MMP16: variants seen among roughly 807,000 people sequenced by gnomAD.
MMP16 encodes the protein matrix metalloproteinase-16.
A neutral mutation model predicts 67.8 loss-of-function variants in MMP16; 12 were observed. That is an observed-to-expected ratio of 0.18 (90% CI 0.11 to 0.29). The LOEUF (loss-of-function observed/expected upper bound fraction) is 0.29, where lower values mean the gene tolerates loss of function less well. Ranked by LOEUF, MMP16 falls within the 10% of genes least tolerant of loss-of-function variation. The pLI is 1.00. For synonymous variants in MMP16, 249 were observed against 255.9 expected, an observed-to-expected ratio of 0.97 and a Z score of 0.26; for missense variants, 475 against 765.7, an observed-to-expected ratio of 0.62 and a Z score of 4.48.
chr8:88,320,490 T>C (rs1327074478), intron 1 of MMP16, among the ~76,000 whole-genome samples: 1 of 152,198 alleles, frequency 6.6e-6, no homozygotes, highest in African/African-American at 2.4e-5. Context: ...TCCTGCATTA[T>C]AATATTCTTT....
At chr8:88,247,536 A>G (rs1810133327) in intron 1 of MMP16, among the ~76,000 whole-genome samples, 1 of 152,062 alleles carries the variant, frequency 6.6e-6, no homozygotes, top group Non-Finnish European at 1.5e-5. Flanking sequence ...CTGACAGACT[A>G]GAGGATTCAC....
At chr8:88,215,485 T>C (rs1359349367) in intron 1 of MMP16, among the ~76,000 whole-genome samples, 1 of 152,138 alleles carries the variant, frequency 6.6e-6, no homozygotes, top group East Asian at 1.9e-4. Context: ...GACTTTCAGT[T>C]GGATTGAGAC....
chr8:88,267,643 T>C (rs1810495323), intron 1 of MMP16, among the ~76,000 whole-genome samples: 1 of 152,192 alleles, frequency 6.6e-6, no homozygotes. Flanking sequence ...TGTAAAAATA[T>C]TAAGAGTTAG....
intron 1 of MMP16, among the ~76,000 whole-genome samples, chr8:88,322,593 T>G (rs933222129): frequency 1.3e-5 from 2 of 150,234 alleles, no homozygotes; most frequent in African/African-American, 4.9e-5. Flanking sequence ...CTTTGGGAGG[T>G]CAAGGAGGGA....
chr8:88,127,506 T>A (rs1418326821), intron 4 of MMP16, among the ~76,000 whole-genome samples: 1 of 151,746 alleles, frequency 6.6e-6, no homozygotes, highest in Non-Finnish European at 1.5e-5. Context: ...ATTTAGGGGT[T>A]ATGACCAACA....
At chr8:88,267,527 A>C (rs1380824726) in intron 1 of MMP16, among the ~76,000 whole-genome samples, 2 of 152,194 alleles carry the variant, frequency 1.3e-5, no homozygotes, top group African/African-American at 4.8e-5. Context: ...CCTTACTTTT[A>C]TATAGCCAAC....
intron 4 of MMP16, among the ~76,000 whole-genome samples, chr8:88,121,702 G>C (rs1183021663): frequency 6.6e-6 from 1 of 151,978 alleles, no homozygotes; most frequent in Non-Finnish European, 1.5e-5. Flanking sequence ...TCTTTTGCAA[G>C]ATTTTGAGTT....
chr8:88,077,632 C>T (rs1808673140), intron 6 of MMP16, among the ~76,000 whole-genome samples: 1 of 152,150 alleles, frequency 6.6e-6, no homozygotes, highest in Non-Finnish European at 1.5e-5. Flanking sequence ...AAGGACCTTA[C>T]ACATAATAGG....
At chr8:88,214,005 C>T (rs150531194) in intron 1 of MMP16, among the ~76,000 whole-genome samples, 5 of 152,188 alleles carry the variant, frequency 3.3e-5, no homozygotes, top group East Asian at 1.9e-4. Context: ...TTCTAACAAG[C>T]GCCTAACAGA....
chr8:88,183,942 C>T (rs1287479867), intron 3 of MMP16, among the ~76,000 whole-genome samples: 1 of 151,534 alleles, frequency 6.6e-6, no homozygotes, highest in Non-Finnish European at 1.5e-5. Context: ...GACAGGGTTT[C>T]TCCATGTTGG....
chr8:88,106,025 TAC>T (rs1247157279), intron 6 of MMP16, among the ~76,000 whole-genome samples: 2 of 143,812 alleles, frequency 1.4e-5, no homozygotes, highest in Non-Finnish European at 3.0e-5. Context: ...TGCATATATA[TAC>T]GTGTATATAT....
At chr8:88,226,030 T>C (rs1187737133) in intron 1 of MMP16, among the ~76,000 whole-genome samples, 1 of 151,992 alleles carries the variant, frequency 6.6e-6, no homozygotes, top group South Asian at 2.1e-4. Context: ...AAATTTCATA[T>C]ACACTAAGAA....
intron 3 of MMP16, among the ~76,000 whole-genome samples, chr8:88,171,617 TA>T (rs1808804946): frequency 6.6e-6 from 1 of 152,042 alleles, no homozygotes; most frequent in South Asian, 2.1e-4. Flanking sequence ...AATTCTAAAT[TA>T]AAAAATAGGA....
chr8:88,208,338 G>A (rs1809460692), intron 1 of MMP16, among the ~76,000 whole-genome samples: 1 of 152,188 alleles, frequency 6.6e-6, no homozygotes, highest in South Asian at 2.1e-4. Flanking sequence ...CAGTATTTTA[G>A]TTGTCTGGAC....
At chr8:88,148,584 A>C (rs1808335817) in intron 4 of MMP16, among the ~76,000 whole-genome samples, 1 of 152,072 alleles carries the variant, frequency 6.6e-6, no homozygotes, top group Admixed American at 6.5e-5. Flanking sequence ...CCCTTGAACT[A>C]AGGTTTGGTC....
chr8:88,222,782 T>A (rs1323499039), intron 1 of MMP16, among the ~76,000 whole-genome samples: 1 of 152,146 alleles, frequency 6.6e-6, no homozygotes, highest in East Asian at 1.9e-4. Flanking sequence ...GACATAGGCA[T>A]GGGCAAGGGC....
intron 1 of MMP16, among the ~76,000 whole-genome samples, chr8:88,286,033 T>C (rs998532665): frequency 5.9e-5 from 9 of 152,214 alleles, no homozygotes; most frequent in African/African-American, 1.9e-4. Context: ...TTCTTCCAAA[T>C]GATTTCAAAA....
chr8:88,171,533 T>G (rs1808803681), intron 3 of MMP16, among the ~76,000 whole-genome samples: 1 of 152,204 alleles, frequency 6.6e-6, no homozygotes, highest in Non-Finnish European at 1.5e-5. Flanking sequence ...TGACACTGCT[T>G]TATTTATCTT....
In MMP16 at chr8:88,040,132, T is replaced by C. The variant is rs1169921108; in HGVS notation, c.*1329A>G. On this transcript the variant is annotated 3_prime_UTR_variant, in exon 10 of 10. Transcript: ENST00000286614. ...TGGATTTTAAAACAGAAATTCAGTATGCCTAAAAAAAAGAAAAGAAGACTT... is the reference window on the plus strand; with the variant it reads ...TGGATTTTAAAACAGAAATTCAGTACGCCTAAAAAAAAGAAAAGAAGACTT... 1 of 152,616 alleles carries C rather than the reference T, an allele frequency of 6.6e-6. No homozygotes were observed. Among genetic ancestry groups the C allele is most frequent in the Admixed American group, 6.6e-5 (1 of 15,256 alleles). 9.5% of individuals were successfully genotyped at this position (152,616 alleles called of 1,614,324 possible). A position where few individuals can be genotyped will look rare whatever the true frequency, so the allele number is the denominator to read the frequency against.
Sources: allele counts gnomAD v4.1 joint callset (sites outside exome capture counted in the v4.1 genomes callset), GRCh38; gene constraint gnomAD v4.1.1; transcripts MANE v1.5; gene names NCBI Gene and HGNC (gene_info 2026-07-23, HGNC 2026-07-21).